LPIN1: variants seen among roughly 807,000 people sequenced by gnomAD.
The protein encoded by LPIN1 is phosphatidate phosphatase LPIN1.
A neutral mutation model predicts 107.5 loss-of-function variants in LPIN1; 71 were observed. That is an observed-to-expected ratio of 0.66 (90% CI 0.55 to 0.80). The LOEUF (loss-of-function observed/expected upper bound fraction) is 0.80. Ranked by LOEUF, LPIN1 falls within the 30% of genes least tolerant of loss-of-function variation. LPIN1 has a pLI of 0.00. For synonymous variants in LPIN1, 445 were observed against 452.6 expected, an observed-to-expected ratio of 0.98 and a Z score of 0.21; for missense variants, 1,043 against 1,160.6, an observed-to-expected ratio of 0.90 and a Z score of 1.47.
Position 11,815,182 on chromosome 2 carries a change from G to C in LPIN1, c.2344G>C (p.Val782Leu). 1 of 1,614,152 alleles carries C rather than the reference G, an allele frequency of 6.2e-7. No homozygotes were observed. Among genetic ancestry groups the C allele is most frequent in the Non-Finnish European group, 8.5e-7 (1 of 1,179,970 alleles). The change falls in exon 18 of 21, where the codon GTG (valine) becomes CTG (leucine). Residue 782 changes from valine to leucine, a missense_variant. Physicochemically the swap from Val to Leu is conservative, Grantham distance 32. Coordinates refer to ENST00000674199, the MANE Select transcript of LPIN1 (RefSeq NM_001349206.2). ...GCACTGGGTCAACGAGAGGGGCACGGTGCTGCCCCAGGGGCCCCTGCTGCT... is the reference window on the plus strand; with the variant it reads ...GCACTGGGTCAACGAGAGGGGCACGCTGCTGCCCCAGGGGCCCCTGCTGCT... ...YLHWVNERGT[V>L]LPQGPLLLSP... is the part of the protein sequence containing the mutation.
intron 1 of LPIN1, among the ~76,000 whole-genome samples, chr2:11,681,208 T>G (rs559293055): frequency 6.6e-5 from 10 of 152,180 alleles, no homozygotes; most frequent in Non-Finnish European, 1.3e-4. Context: ...CTTTAGTCAC[T>G]TAGCTTGGCA....
chr2:11,825,014 T>C lies in LPIN1; in HGVS notation c.*223T>C. On this transcript the variant is annotated 3_prime_UTR_variant, in exon 21 of 21. Coordinates refer to ENST00000674199, the MANE Select transcript of LPIN1 (RefSeq NM_001349206.2). This position sits in a 1 kb window ranked among gnomAD's most constrained non-coding sequence, Gnocchi z 4.1. The stretch of plus-strand genomic sequence containing the variant: ...TTCTAGGCTAGGAGTTGGGTGCATT[T>C]GTACCGTGAAAAGCATTCCTCAGTT... The C allele has an allele frequency of 1.7e-6, 1 of 587,248 alleles. No individual in the cohort carries two copies. Among genetic ancestry groups the C allele is most frequent in the Non-Finnish European group, 3.0e-6 (1 of 330,048 alleles). The allele number at this position is 587,248 out of a possible 1,614,324, so 36.4% of individuals were successfully genotyped here. A position where few individuals can be genotyped will look rare whatever the true frequency, so the allele number is the denominator to read the frequency against.
At chr2:11,679,563 GCCACGTGTCC>G (rs558801345) in intron 1 of LPIN1, among the ~76,000 whole-genome samples, 2 of 152,282 alleles carry the variant, frequency 1.3e-5, no homozygotes, top group Non-Finnish European at 2.9e-5. Flanking sequence ...TGTCAAACCC[GCCACGTGTCC>G]CCTTGTATTC....
At chr2:11,755,724 T>C (rs1256044408) in intron 1 of LPIN1, among the ~76,000 whole-genome samples, 1 of 130,356 alleles carries the variant, frequency 7.7e-6, no homozygotes, top group African/African-American at 3.4e-5. Flanking sequence ...CACTTAGTTC[T>C]TTTTTTTTTT....
At chr2:11,747,024 C>T (rs2148567790) in intron 1 of LPIN1, among the ~76,000 whole-genome samples, 1 of 152,306 alleles carries the variant, frequency 6.6e-6, no homozygotes, top group East Asian at 1.9e-4. Context: ...GGGACTAGCT[C>T]CAGCCGGCCA....
chr2:11,767,706 G>C, intron 2 of LPIN1, 57 bp from the exon 3 acceptor site: 1 of 1,093,606 alleles, frequency 9.1e-7, no homozygotes, highest in Non-Finnish European at 1.4e-6. Flanking sequence ...GTCCCCATGA[G>C]GTCTCCTGTC....
At chr2:11,805,397 T>C in intron 17 of LPIN1, 2 of 600,992 alleles carry the variant, frequency 3.3e-6, no homozygotes, top group Non-Finnish European at 6.0e-6. Flanking sequence ...AATTGATTAC[T>C]AGGAGAACAC....
chr2:11,717,545 G>A (rs1236588823), intron 2 of LPIN1, among the ~76,000 whole-genome samples: 2 of 149,468 alleles, frequency 1.3e-5, no homozygotes, highest in African/African-American at 5.0e-5. Flanking sequence ...CCTATCACGT[G>A]GAAATCATCG....
chr2:11,677,719 T>A, exon 1 of LPIN1: 2 of 1,535,706 alleles, frequency 1.3e-6, no homozygotes, highest in Non-Finnish European at 1.7e-6. Flanking sequence ...CAGACTCGGC[T>A]TGGTCATGGG....
At chr2:11,770,263 C>G (rs999903924) in intron 3 of LPIN1, among the ~76,000 whole-genome samples, 12 of 152,144 alleles carry the variant, frequency 7.9e-5, no homozygotes, top group African/African-American at 2.9e-4. Context: ...GACAGGGTGC[C>G]TGTGGGTGGG....
chr2:11,784,553 C>T (rs1674160085), intron 9 of LPIN1, among the ~76,000 whole-genome samples: 1 of 152,168 alleles, frequency 6.6e-6, no homozygotes, highest in African/African-American at 2.4e-5. Context: ...TCCCGTGATC[C>T]TGGGGACCCA....
At chr2:11,733,499 CTTT>C (rs111274553) in intron 1 of LPIN1, among the ~76,000 whole-genome samples, 3 of 143,360 alleles carry the variant, frequency 2.1e-5, no homozygotes, top group Non-Finnish European at 3.0e-5. Context: ...CTCTCTCTCT[CTTT>C]TTTTTTTTTT....
chr2:11,762,898 C>G (rs1288793591), intron 1 of LPIN1: 2 of 152,096 alleles, frequency 1.3e-5, no homozygotes, highest in Non-Finnish European at 2.9e-5. Flanking sequence ...GGGGTTTTGT[C>G]AGTGTGGTCA....
chr2:11,769,508 T>C (rs1020044828), intron 3 of LPIN1, among the ~76,000 whole-genome samples: 15 of 152,234 alleles, frequency 9.9e-5, no homozygotes, highest in African/African-American at 3.6e-4. Flanking sequence ...TTGTAAATAT[T>C]TTCTCCCATT....
intron 17 of LPIN1, among the ~76,000 whole-genome samples, chr2:11,814,138 C>G (rs1680157930): frequency 6.6e-6 from 1 of 152,032 alleles, no homozygotes; most frequent in Non-Finnish European, 1.5e-5. Flanking sequence ...AGCAGGCGAG[C>G]TGCTGTGTCT....
intron 1 of LPIN1, among the ~76,000 whole-genome samples, chr2:11,679,771 G>T (rs74635618): frequency 0.1 from 15,407 of 152,298 alleles, 897 homozygotes; most frequent in Middle Eastern, 0.18. Context: ...CTTGGGGGAG[G>T]CAGGCCTCCA....
At chr2:11,785,447 A>G (rs543212612) in intron 10 of LPIN1, among the ~76,000 whole-genome samples, 66 of 152,174 alleles carry the variant, frequency 4.3e-4, no homozygotes, top group Admixed American at 1.0e-3. Context: ...TTGTCGGAGG[A>G]GGGCTGGGAA....
intron 17 of LPIN1, among the ~76,000 whole-genome samples, chr2:11,810,792 A>G (rs1679514535): frequency 6.6e-6 from 1 of 152,276 alleles, no homozygotes; most frequent in Middle Eastern, 3.4e-3. Context: ...CCAATCTCAG[A>G]TGTCAGTGTT....
chr2:11,814,238 G>C (rs556063570), intron 17 of LPIN1, among the ~76,000 whole-genome samples: 1 of 152,244 alleles, frequency 6.6e-6, no homozygotes, highest in South Asian at 2.1e-4. Context: ...GAAGGAATGA[G>C]CCCCCGAGGC....
Sources: allele counts gnomAD v4.1 joint callset (sites outside exome capture counted in the v4.1 genomes callset), GRCh38; gene constraint gnomAD v4.1.1; non-coding constraint Gnocchi (gnomAD v3.1); transcripts MANE v1.5; gene names NCBI Gene and HGNC (gene_info 2026-07-23, HGNC 2026-07-21).